IL1RAPL2: variants seen among roughly 807,000 people sequenced by gnomAD.
The protein encoded by IL1RAPL2 is interleukin 1 receptor accessory protein like 2, also known as X-linked interleukin-1 receptor accessory protein-like 2.
In IL1RAPL2, 3 loss-of-function variants were observed where a neutral mutation model predicts 44.1. That is an observed-to-expected ratio of 0.07 (90% confidence interval 0.03 to 0.18). The LOEUF (loss-of-function observed/expected upper bound fraction) is 0.18, where lower values mean the gene tolerates loss of function less well. IL1RAPL2 is among the 10% of genes least tolerant of loss of function. The pLI, the probability that IL1RAPL2 is intolerant of heterozygous loss-of-function variation, is 1.00. For missense variants in IL1RAPL2, 391 were observed against 496.4 expected (o/e 0.79, Z 2.02); for synonymous variants, 181 against 178.8 (o/e 1.01, Z -0.10).
At chrX:105,257,626 G>T (rs1266680928) in intron 4 of IL1RAPL2, among the ~76,000 whole-genome samples, 1 of 111,903 alleles carries the variant, frequency 8.9e-6, no homozygotes, top group Non-Finnish European at 1.9e-5. Context: ...CCCCGTGGTG[G>T]GCGCATATAT....
chrX:105,487,832 A>G (rs777358350), intron 6 of IL1RAPL2, among the ~76,000 whole-genome samples: 3 of 112,090 alleles, frequency 2.7e-5, no homozygotes, highest in Non-Finnish European at 5.6e-5. Flanking sequence ...CACCATGTGT[A>G]AAAAAGAGAT....
intron 2 of IL1RAPL2, among the ~76,000 whole-genome samples, chrX:104,921,442 A>G (rs989966030): frequency 2.7e-5 from 3 of 112,172 alleles, no homozygotes; most frequent in Non-Finnish European, 5.6e-5. Context: ...CCATTCCCAC[A>G]GGGGAGGGGC....
At chrX:105,447,594 TATAAATAAATATAAATATATAAAC>T (rs2035976949) in intron 5 of IL1RAPL2, among the ~76,000 whole-genome samples, 1 of 67,712 alleles carries the variant, frequency 1.5e-5, no homozygotes, top group Non-Finnish European at 2.4e-5. Flanking sequence ...TTTATATAAA[TATAAATAAATATAAATATATAAAC>T]ATAAATATAT....
chrX:105,615,524 T>C (rs1363628945), intron 6 of IL1RAPL2, among the ~76,000 whole-genome samples: 1 of 112,106 alleles, frequency 8.9e-6, no homozygotes, highest in Non-Finnish European at 1.9e-5. Flanking sequence ...ATCTTGTTAT[T>C]TGCACCAACA....
chrX:104,956,911 A>G (rs1285032503), intron 2 of IL1RAPL2, among the ~76,000 whole-genome samples: 1 of 112,109 alleles, frequency 8.9e-6, no homozygotes, highest in African/African-American at 3.2e-5. Context: ...GATGATTTTT[A>G]AGAACTATGA....
chrX:104,787,366 G>T (rs752142301), intron 2 of IL1RAPL2, among the ~76,000 whole-genome samples: 1 of 111,291 alleles, frequency 9.0e-6, no homozygotes, highest in Non-Finnish European at 1.9e-5. Flanking sequence ...TTTCTGGCTC[G>T]CCCTTGATAC....
At chrX:104,909,602 C>T (rs1453777394) in intron 2 of IL1RAPL2, among the ~76,000 whole-genome samples, 1 of 111,627 alleles carries the variant, frequency 9.0e-6, no homozygotes, top group Non-Finnish European at 1.9e-5. Context: ...AGTCCCCTTG[C>T]CGTGTGAGGT....
At chrX:105,551,862 T>G (rs1168788607) in intron 6 of IL1RAPL2, among the ~76,000 whole-genome samples, 2 of 111,426 alleles carry the variant, frequency 1.8e-5, no homozygotes, top group Non-Finnish European at 3.8e-5. Context: ...TCCCAGCACT[T>G]TGGGAGGCCG....
At chrX:104,890,778 G>A (rs1923408339) in intron 2 of IL1RAPL2, among the ~76,000 whole-genome samples, 1 of 111,460 alleles carries the variant, frequency 9.0e-6, no homozygotes, top group African/African-American at 3.3e-5. Flanking sequence ...AGTTTCTTTT[G>A]CCGTGCAGAA....
intron 1 of IL1RAPL2, among the ~76,000 whole-genome samples, chrX:104,636,976 T>A (rs1484909982): frequency 9.0e-6 from 1 of 111,532 alleles, no homozygotes; most frequent in East Asian, 2.9e-4. Context: ...TATTCGGCCA[T>A]CTTGGCTCCA....
chrX:105,251,868 T>G (rs1017138984), intron 4 of IL1RAPL2, among the ~76,000 whole-genome samples: 7 of 111,363 alleles, frequency 6.3e-5, no homozygotes, highest in African/African-American at 2.3e-4. Context: ...GGAAAAGTTA[T>G]GTGGAAGCCA....
In IL1RAPL2 at chrX:105,266,198, C is replaced by T. The variant is rs543247776; in HGVS notation, c.544-1190C>T. On this transcript the variant is annotated intron_variant, in intron 4 of 10. Transcript: ENST00000372582. ...CTGGGATTACAGGCACATGACACCA[C>T]GCCCAGCTAATTTTTGTATTTTTAG... is the stretch of plus-strand genomic sequence containing the variant. Among the ~76,000 whole-genome samples, 78 of 109,981 alleles carry T rather than the reference C, an allele frequency of 7.1e-4. No homozygotes were observed. The Middle Eastern group carries it at 0.019, about 26-fold the overall frequency.
intron 5 of IL1RAPL2, among the ~76,000 whole-genome samples, chrX:105,336,847 A>G (rs1301120604): frequency 2.7e-5 from 3 of 111,968 alleles, no homozygotes; most frequent in African/African-American, 6.5e-5. Flanking sequence ...TTATTGGTAA[A>G]TGTCACTACT....
Position 105,342,274 on chromosome X carries a change from C to T in IL1RAPL2, c.697+74733C>T, listed in dbSNP as rs942462309. Among the ~76,000 whole-genome samples, 6 of 109,750 alleles carry T rather than the reference C, an allele frequency of 5.5e-5. No individual in the cohort carries two copies. The East Asian group carries it at 1.7e-3, about 31-fold the overall frequency. On this transcript the variant is annotated intron_variant, in intron 5 of 10. Transcript: ENST00000372582. ...TGTATACATATGTAACAAACCTGCA[C>T]GTTGTGCACATGTACCCTAAAACTT...
At chrX:105,151,569 A>G (rs758241335) in intron 2 of IL1RAPL2, among the ~76,000 whole-genome samples, 52 of 109,811 alleles carry the variant, frequency 4.7e-4, no homozygotes, top group African/African-American at 1.6e-3. Context: ...GAGATTTATC[A>G]TAGTAGACAG....
intron 2 of IL1RAPL2, among the ~76,000 whole-genome samples, chrX:104,730,041 C>A (rs958589705): frequency 1.8e-5 from 2 of 110,267 alleles, no homozygotes; most frequent in South Asian, 7.9e-4. Flanking sequence ...AAGCAAAAAG[C>A]CTTATTAGGG....
At chrX:105,110,023 T>C (rs1276941385) in intron 2 of IL1RAPL2, among the ~76,000 whole-genome samples, 1 of 111,741 alleles carries the variant, frequency 8.9e-6, no homozygotes, top group Non-Finnish European at 1.9e-5. Flanking sequence ...TCACTCTACA[T>C]ATGAGAAATG....
intron 3 of IL1RAPL2, among the ~76,000 whole-genome samples, chrX:105,210,735 ATG>A (rs1443964420): frequency 9.0e-6 from 1 of 111,492 alleles, no homozygotes; most frequent in Non-Finnish European, 1.9e-5. Context: ...CAAGTCCTGA[ATG>A]ACTGTCATAG....
chrX:105,252,753 G>A (rs896266361), intron 4 of IL1RAPL2, among the ~76,000 whole-genome samples: 2 of 111,359 alleles, frequency 1.8e-5, no homozygotes, highest in Non-Finnish European at 3.8e-5. Flanking sequence ...AGTGTTTGCA[G>A]GGCCTAACAT....
Sources: allele counts gnomAD v4.1 joint callset (sites outside exome capture counted in the v4.1 genomes callset), GRCh38; gene constraint gnomAD v4.1.1; transcripts MANE v1.5; gene names NCBI Gene and HGNC (gene_info 2026-07-23, HGNC 2026-07-21).